The following DAAM1 variants were observed in gnomAD, a reference collection of about 807,000 sequenced individuals.
DAAM1 encodes the protein dishevelled associated activator of morphogenesis 1, also known as disheveled-associated activator of morphogenesis 1.
Under a neutral mutation model 130.0 loss-of-function variants are expected in DAAM1, and 52 were observed. That is an observed-to-expected ratio of 0.40 (90% CI 0.32 to 0.50). The LOEUF (loss-of-function observed/expected upper bound fraction) is 0.50. Among genes scored for constraint, DAAM1 ranks in the 20% least tolerant of loss-of-function variants. The pLI is 0.61. For missense variants in DAAM1, 1,134 were observed against 1,303.8 expected (o/e 0.87, Z 2.01); for synonymous variants, 452 against 444.5 (o/e 1.02, Z -0.21).
At chr14:59,264,446 T>A (rs1356399046) in intron 2 of DAAM1, 1 of 152,132 alleles carries the variant, frequency 6.6e-6, no homozygotes, top group East Asian at 1.9e-4. Context: ...TTGTAAAAAA[T>A]CATGTTATTT....
chr14:59,249,941 A>G (rs1881559289), intron 1 of DAAM1, among the ~76,000 whole-genome samples: 1 of 152,208 alleles, frequency 6.6e-6, no homozygotes, highest in Non-Finnish European at 1.5e-5. Flanking sequence ...AAAAATATAA[A>G]CTTTAAATAT....
intron 22 of DAAM1, chr14:59,362,733 G>A (rs1478689289): frequency 3.9e-5 from 6 of 152,058 alleles, no homozygotes; most frequent in Non-Finnish European, 7.3e-5. Flanking sequence ...CTGATAAACT[G>A]TGATGACTAC....
intron 24 of DAAM1, among the ~76,000 whole-genome samples, 153 bp downstream of exon 24, chr14:59,367,752 T>C (rs964423905): frequency 2.0e-5 from 3 of 152,246 alleles, no homozygotes; most frequent in Admixed American, 6.5e-5. Flanking sequence ...GTGTTGTTTC[T>C]CTTGGGCTAT....
At chr14:59,215,524 G>A (rs1439957183) in intron 1 of DAAM1, among the ~76,000 whole-genome samples, 1 of 152,232 alleles carries the variant, frequency 6.6e-6, no homozygotes, top group Non-Finnish European at 1.5e-5. Flanking sequence ...CATGCTTTCT[G>A]CAGGCGGCAG....
chr14:59,339,875 CTTA>C (rs1208571492), intron 15 of DAAM1, among the ~76,000 whole-genome samples, 196 bp from the exon 16 acceptor site: 3 of 152,296 alleles, frequency 2.0e-5, no homozygotes, highest in South Asian at 2.1e-4. Context: ...GTCAGCTTTT[CTTA>C]TTATTTCCCT....
intron 3 of DAAM1, among the ~76,000 whole-genome samples, chr14:59,292,258 G>A (rs915392255): frequency 1.3e-5 from 2 of 152,158 alleles, no homozygotes; most frequent in Admixed American, 6.6e-5. Context: ...TCTCGACCCA[G>A]GGAAACAGGA....
Position 59,363,682 on chromosome 14 carries a change from A to C in DAAM1, c.2726A>C (p.Gln909Pro). The C allele has an allele frequency of 6.2e-7, 1 of 1,614,180 alleles. No individual in the cohort carries two copies. The highest frequency in any genetic ancestry group is 8.5e-7 in the Non-Finnish European group (1 of 1,180,002). ...ELEYQKSQPP[Q>P]PGDKFVSVVS... ...GAATATCAGAAGTCTCAGCCCCCACAGCCCGGAGATAAGTTTGTGTCTGTT... is the reference window on the plus strand; with the variant it reads ...GAATATCAGAAGTCTCAGCCCCCACCGCCCGGAGATAAGTTTGTGTCTGTT... Residue 909 changes from glutamine (Q) to proline (P), a missense_variant, in exon 23 of 25, where the codon CAG (glutamine) becomes CCG (proline). By Grantham distance (76) the Gln-to-Pro change is moderately conservative. Around this residue, in one of 3 missense-constraint regions of DAAM1, gnomAD observed 644 missense variants for 695.9 expected, o/e 0.93. Transcript: ENST00000360909.
At chr14:59,238,228 T>C (rs1889363653) in intron 1 of DAAM1, among the ~76,000 whole-genome samples, 1 of 152,198 alleles carries the variant, frequency 6.6e-6, no homozygotes, top group African/African-American at 2.4e-5. Context: ...TGGTTGGCTT[T>C]GTGGCTTTTC....
At position 59,195,141 on chromosome 14, in the gene DAAM1, C is replaced by CTT. The variant is rs33934407; in HGVS notation, c.-38+6394_-38+6395dup. ...TTTCTTAATCATTCATCTTGTTATA[C>CTT]TTTTTTTTTTTTTTTTTTTTTTGAG... On this transcript the variant is annotated intron_variant, in intron 1 of 24. Transcript: ENST00000360909. 8.3e-4 allele frequency among the ~76,000 whole-genome samples: 81 copies of CTT among 98,146 alleles called. 1 individual carries two copies. The highest frequency in any genetic ancestry group is 1.8e-3 in the African/African-American group (42 of 23,658). The allele number at this position is 98,146 out of a possible 152,430, so 64.4% of individuals were successfully genotyped here.
chr14:59,197,764 T>C (rs1298840341), intron 1 of DAAM1, among the ~76,000 whole-genome samples: 1 of 152,216 alleles, frequency 6.6e-6, no homozygotes, highest in Non-Finnish European at 1.5e-5. Flanking sequence ...CTATACTCCC[T>C]GCATTGCAGT....
intron 17 of DAAM1, among the ~76,000 whole-genome samples, chr14:59,351,208 AAT>A (rs1886281787): frequency 6.6e-6 from 1 of 151,968 alleles, no homozygotes; most frequent in Non-Finnish European, 1.5e-5. Context: ...TAGTCTCATA[AAT>A]AGCTCTAGAA....
At chr14:59,316,058 T>C (rs1269176853) in intron 4 of DAAM1, among the ~76,000 whole-genome samples, 1 of 152,102 alleles carries the variant, frequency 6.6e-6, no homozygotes, top group Non-Finnish European at 1.5e-5. Flanking sequence ...CAGCAGAAAA[T>C]AAGTCATCAA....
intron 1 of DAAM1, among the ~76,000 whole-genome samples, chr14:59,204,393 C>T (rs898333642): frequency 2.0e-5 from 3 of 152,320 alleles, no homozygotes; most frequent in African/African-American, 7.2e-5. Context: ...CCCACATTGG[C>T]AGTTCACAGT....
At chr14:59,205,601 C>G (rs986202425) in intron 1 of DAAM1, among the ~76,000 whole-genome samples, 1 of 152,108 alleles carries the variant, frequency 6.6e-6, no homozygotes, top group Admixed American at 6.5e-5. Context: ...TTACAGTGAG[C>G]CTTTGCTAGT....
chr14:59,258,847 A>T (rs937574138), intron 1 of DAAM1, among the ~76,000 whole-genome samples: 3 of 152,180 alleles, frequency 2.0e-5, no homozygotes, highest in African/African-American at 7.2e-5. Flanking sequence ...GGTTTCACTG[A>T]GGCTTCCACA....
chr14:59,209,965 G>GA (rs370959547), intron 1 of DAAM1, among the ~76,000 whole-genome samples: 236 of 148,222 alleles, frequency 1.6e-3, no homozygotes, highest in African/African-American at 5.3e-3. Context: ...AAAAATTAAA[G>GA]AAAAAAAAAA....
chr14:59,210,040 G>A (rs1888380344), intron 1 of DAAM1, among the ~76,000 whole-genome samples: 1 of 152,104 alleles, frequency 6.6e-6, no homozygotes, highest in Admixed American at 6.5e-5. Context: ...GGGTGTGTGG[G>A]CTGAGGTGGG....
intron 1 of DAAM1, among the ~76,000 whole-genome samples, chr14:59,191,753 C>A (rs1380166022): frequency 1.3e-5 from 2 of 152,078 alleles, no homozygotes; most frequent in Admixed American, 1.3e-4. Flanking sequence ...ATAATCTTCC[C>A]AGGAGGTGTG....
intron 17 of DAAM1, among the ~76,000 whole-genome samples, chr14:59,350,616 A>G (rs1237605341): frequency 6.6e-6 from 1 of 151,706 alleles, no homozygotes; most frequent in Non-Finnish European, 1.5e-5. Flanking sequence ...TCCCCTCCCT[A>G]GAGCTCTTCT....
Sources: allele counts gnomAD v4.1 joint callset (sites outside exome capture counted in the v4.1 genomes callset), GRCh38; gene constraint gnomAD v4.1.1; regional missense constraint gnomAD v4.1.1; transcripts MANE v1.5; gene names NCBI Gene and HGNC (gene_info 2026-07-23, HGNC 2026-07-21).